Variants in ITGB6 observed in about 807,000 individuals in gnomAD.
ITGB6 encodes integrin beta-6.
A neutral mutation model predicts 84.5 loss-of-function variants in ITGB6; 80 were observed. The observed-to-expected ratio is 0.95, with a 90% CI of 0.79 to 1.14. The LOEUF (loss-of-function observed/expected upper bound fraction) is 1.14, where lower values mean the gene tolerates loss of function less well. ITGB6 is among the 50% of genes most tolerant of loss of function. The pLI, the probability that ITGB6 is intolerant of heterozygous loss-of-function variation, is 0.00. For missense variants in ITGB6, 1,006 were observed against 968.0 expected, an observed-to-expected ratio of 1.04 and a Z score of -0.52; for synonymous variants, 383 against 354.9, an observed-to-expected ratio of 1.08 and a Z score of -0.89.
At position 160,130,272 on chromosome 2, in the gene ITGB6, A is replaced by C. The variant is rs112387902; in HGVS notation, c.1661-3671T>G. On this transcript the variant is annotated intron_variant, in intron 10 of 14. Coordinates refer to ENST00000283249, the MANE Select transcript of ITGB6 (RefSeq NM_000888.5). ...GTTGTATATGTACTGTGTTGTTGAC[A>C]AAATCGTCATTATGTGGTGGATGAT... Among the ~76,000 whole-genome samples the C allele has an allele frequency of 8.8e-3, 1,339 of 152,242 alleles. 8 individuals are homozygous for C. Among genetic ancestry groups the C allele is most frequent in the Middle Eastern group, 0.02 (6 of 294 alleles).
At chr2:160,129,066 C>T (rs1683351620) in intron 10 of ITGB6, among the ~76,000 whole-genome samples, 1 of 151,878 alleles carries the variant, frequency 6.6e-6, no homozygotes, top group African/African-American at 2.4e-5. Flanking sequence ...AAAAAAGGAT[C>T]CTTATAGAAG....
intron 7 of ITGB6, among the ~76,000 whole-genome samples, chr2:160,155,052 C>T (rs886878275): frequency 1.3e-5 from 2 of 152,138 alleles, no homozygotes; most frequent in Non-Finnish European, 2.9e-5. Context: ...CCTCCTTCTC[C>T]GCGCCTGCTT....
intron 12 of ITGB6, among the ~76,000 whole-genome samples, chr2:160,119,461 A>G (rs1258439924): frequency 6.6e-6 from 1 of 152,100 alleles, no homozygotes; most frequent in Non-Finnish European, 1.5e-5. Context: ...CTGGCTAGCC[A>G]TATGTAGAAA....
intron 7 of ITGB6, among the ~76,000 whole-genome samples, chr2:160,156,752 C>A (rs1268673694): frequency 6.6e-6 from 1 of 152,168 alleles, no homozygotes; most frequent in Non-Finnish European, 1.5e-5. Context: ...TGATGTCATC[C>A]AGCCAGGAAG....
chr2:160,149,267 G>A (rs2966382), intron 7 of ITGB6, among the ~76,000 whole-genome samples: 145,214 of 152,298 alleles, frequency 0.95, 69,560 homozygotes, highest in East Asian at 1. Context: ...ATGAGACAGC[G>A]ATATTTGCTG....
chr2:160,107,650 A>T (rs763988587), intron 14 of ITGB6, 29 bp downstream of exon 14: 1 of 1,609,524 alleles, frequency 6.2e-7, no homozygotes, highest in Admixed American at 1.7e-5. Context: ...TCTCCCCTAG[A>T]CAAGGAGTAG....
At chr2:160,177,554 G>C (rs909304743) in intron 4 of ITGB6, among the ~76,000 whole-genome samples, 7 of 150,712 alleles carry the variant, frequency 4.6e-5, no homozygotes, top group African/African-American at 1.5e-4. Context: ...CTGGGCGATA[G>C]AGCAAGATTC....
chr2:160,192,820 G>C (rs1443521635), intron 4 of ITGB6, among the ~76,000 whole-genome samples: 2 of 151,936 alleles, frequency 1.3e-5, no homozygotes, highest in African/African-American at 4.8e-5. Flanking sequence ...TTAAAAAAAT[G>C]GGCAAAAGAT....
At position 160,123,702 on chromosome 2, in the gene ITGB6, C is replaced by G; in HGVS notation, c.1981+89G>C. ...CCCTGGTACAAATAAGGTCAAGCTACTAAATAGCCCTCGATTCACAGAGGG... is the reference window on the plus strand; with the variant it reads ...CCCTGGTACAAATAAGGTCAAGCTAGTAAATAGCCCTCGATTCACAGAGGG... On this transcript the variant is annotated intron_variant, in intron 12 of 14. Coordinates refer to ENST00000283249, the MANE Select transcript of ITGB6 (RefSeq NM_000888.5). The G allele has an allele frequency of 3.2e-6, 3 of 946,034 alleles. No homozygotes were observed. In the South Asian group the frequency reaches 4.4e-5, roughly 14 times the overall value. 58.6% of individuals were successfully genotyped at this position (946,034 alleles called of 1,614,324 possible). A position where few individuals can be genotyped will look rare whatever the true frequency, so the allele number is the denominator to read the frequency against.
At chr2:160,136,807 A>C (rs2105816998) in intron 10 of ITGB6, among the ~76,000 whole-genome samples, 1 of 152,164 alleles carries the variant, frequency 6.6e-6, no homozygotes, top group East Asian at 1.9e-4. Flanking sequence ...AAGGACAAAA[A>C]ACCAAACACC....
chr2:160,121,148 C>G (rs947877154), intron 12 of ITGB6, among the ~76,000 whole-genome samples: 12 of 152,036 alleles, frequency 7.9e-5, no homozygotes, highest in Non-Finnish European at 1.5e-4. Flanking sequence ...GACCTCAGCT[C>G]TAGGATTAGT....
At chr2:160,177,014 T>G (rs1018168600) in intron 4 of ITGB6, among the ~76,000 whole-genome samples, 11 of 152,194 alleles carry the variant, frequency 7.2e-5, no homozygotes, top group Non-Finnish European at 1.5e-4. Context: ...GGTTATCTTT[T>G]GACTCATATT....
Position 160,200,164 on chromosome 2 carries a change from T to C in ITGB6, c.-101A>G, listed in dbSNP as rs1686503357. ...GTTAAAGTCTTTCTTTCTTGAAGTA[T>C]AACATTTTAAATACTACTTACACTG... On this transcript the variant is annotated 5_prime_UTR_variant, in exon 1 of 15. Transcript: ENST00000283249. 1.1e-6 allele frequency: 1 copy of C among 918,920 alleles called. No individual in the cohort carries two copies. Among genetic ancestry groups the C allele is most frequent in the Non-Finnish European group, 1.7e-6 (1 of 577,864 alleles). The allele number at this position is 918,920 out of a possible 1,614,324, so 56.9% of individuals were successfully genotyped here. A position where few individuals can be genotyped will look rare whatever the true frequency, so the allele number is the denominator to read the frequency against.
rs1219980649 is a variant in ITGB6 at position 160,174,064 on chromosome 2, G to C, written c.669C>G (p.Phe223Leu). 3.7e-6 allele frequency: 6 copies of C among 1,612,696 alleles called. No homozygotes were observed. The South Asian group carries it at 6.6e-5, about 18-fold the overall frequency. ...ILPLTNDAER[F>L]NEIVKNQKIS... is the part of the protein sequence containing the mutation. ...TTTTCTGATTCTTCACAATTTCATT[G>C]AATCTTTCAGCATCATTTGTCAATG... Residue 223 changes from phenylalanine (F) to leucine (L), a missense_variant, in exon 5 of 15, where the codon TTC becomes TTG. Transcript: ENST00000283249.
intron 6 of ITGB6, among the ~76,000 whole-genome samples, chr2:160,170,778 C>G (rs892196027): frequency 2.0e-5 from 3 of 152,284 alleles, no homozygotes; most frequent in South Asian, 2.1e-4. Context: ...TTTGTTACAA[C>G]TTATTCAGAA....
chr2:160,149,903 G>T (rs1052002807), intron 7 of ITGB6, among the ~76,000 whole-genome samples: 1 of 152,100 alleles, frequency 6.6e-6, no homozygotes, highest in Admixed American at 6.5e-5. Flanking sequence ...AACAAGGTTA[G>T]AGAAAAAAGA....
intron 7 of ITGB6, among the ~76,000 whole-genome samples, chr2:160,158,338 G>T (rs185796319): frequency 1.3e-5 from 2 of 152,338 alleles, no homozygotes; most frequent in East Asian, 3.9e-4. Context: ...AGCTGAGCGA[G>T]TGCTCGGCAG....
intron 7 of ITGB6, among the ~76,000 whole-genome samples, chr2:160,150,812 C>G (rs2105837975): frequency 6.6e-6 from 1 of 152,140 alleles, no homozygotes; most frequent in Non-Finnish European, 1.5e-5. Context: ...ATCCTAGTTT[C>G]TGATAAAACA....
At chr2:160,171,157 T>C (rs1317292887) in intron 6 of ITGB6, among the ~76,000 whole-genome samples, 1 of 152,040 alleles carries the variant, frequency 6.6e-6, no homozygotes, top group Non-Finnish European at 1.5e-5. Context: ...AGTTTTCCAA[T>C]TGACATTAGA....
Sources: allele counts gnomAD v4.1 joint callset (sites outside exome capture counted in the v4.1 genomes callset), GRCh38; gene constraint gnomAD v4.1.1; transcripts MANE v1.5; gene names NCBI Gene and HGNC (gene_info 2026-07-23, HGNC 2026-07-21).